EXD3: variants seen among roughly 807,000 people sequenced by gnomAD.
EXD3 encodes the protein exonuclease mut-7 homolog.
In EXD3, 92 loss-of-function variants were observed where a neutral mutation model predicts 98.0. The ratio of observed to expected loss-of-function variants is 0.94; its 90% CI spans 0.79 to 1.12. The LOEUF (loss-of-function observed/expected upper bound fraction) is 1.12. Among genes scored for constraint, EXD3 ranks in the 50% most tolerant of loss-of-function variants. EXD3 has a pLI of 0.00. For synonymous variants in EXD3, 569 were observed against 526.0 expected (o/e 1.08, Z -1.12); for missense variants, 1,222 against 1,191.6 (o/e 1.03, Z -0.38).
intron 17 of EXD3, among the ~76,000 whole-genome samples, chr9:137,334,769 G>T (rs1588285306): frequency 1.3e-5 from 2 of 152,150 alleles, no homozygotes; most frequent in African/African-American, 2.4e-5. Flanking sequence ...CACAGCAAAA[G>T]AAATAATCAT....
chr9:137,316,339 C>T (rs543099652), intron 19 of EXD3, among the ~76,000 whole-genome samples: 2 of 152,152 alleles, frequency 1.3e-5, no homozygotes, highest in Admixed American at 1.3e-4. Flanking sequence ...GGGACCCCGC[C>T]TGCCCGTCCA....
chr9:137,345,319 T>C (rs957333684), intron 17 of EXD3, among the ~76,000 whole-genome samples: 1 of 152,242 alleles, frequency 6.6e-6, no homozygotes, highest in Non-Finnish European at 1.5e-5. Flanking sequence ...AATCCTTATA[T>C]GAAACAATTA....
intron 19 of EXD3, among the ~76,000 whole-genome samples, chr9:137,312,100 C>T (rs1473785432): frequency 2.0e-5 from 3 of 152,296 alleles, no homozygotes; most frequent in South Asian, 2.1e-4. Context: ...CAGTGTGGGA[C>T]GCACAGACAC....
At chr9:137,307,887 G>A (rs570211859) in intron 20 of EXD3, among the ~76,000 whole-genome samples, 130 of 152,264 alleles carry the variant, frequency 8.5e-4, no homozygotes, top group Admixed American at 1.6e-3. Context: ...AAAGGTCCCT[G>A]GGAAACATGT....
At chr9:137,310,070 C>T (rs767828637) in intron 19 of EXD3, among the ~76,000 whole-genome samples, 1 of 152,252 alleles carries the variant, frequency 6.6e-6, no homozygotes, top group South Asian at 2.1e-4. Flanking sequence ...AAGGGGTCAG[C>T]GTGGGCAGCC....
intron 19 of EXD3, among the ~76,000 whole-genome samples, chr9:137,312,586 G>GCCC (rs1295222017): frequency 2.6e-5 from 4 of 152,186 alleles, no homozygotes; most frequent in Non-Finnish European, 5.9e-5. Flanking sequence ...ACCCTCCAGG[G>GCCC]CCCTCTCCTC....
At chr9:137,329,683 G>A (rs375799737) in intron 17 of EXD3, among the ~76,000 whole-genome samples, 2 of 34,988 alleles carry the variant, frequency 5.7e-5, no homozygotes, top group Admixed American at 3.3e-4. Flanking sequence ...GGGACTACAC[G>A]GGGTCACACG....
At chr9:137,315,833 C>T (rs997697913) in intron 19 of EXD3, among the ~76,000 whole-genome samples, 7 of 151,916 alleles carry the variant, frequency 4.6e-5, no homozygotes, top group Non-Finnish European at 7.4e-5. Flanking sequence ...CCGCTCCCAC[C>T]TGCCTTGGGT....
rs752014467 is a variant in EXD3 at position 137,354,712 on chromosome 9, CT to C, written c.818del (p.Lys273SerfsTer84). 3.1e-6 allele frequency: 5 copies of C among 1,611,014 alleles called. No individual in the cohort carries two copies. Among genetic ancestry groups the C allele is most frequent in the Non-Finnish European group, 4.2e-6 (5 of 1,179,690 alleles). On this transcript the variant is annotated frameshift_variant, in exon 9 of 22. Coordinates refer to ENST00000340951, the MANE Select transcript of EXD3 (RefSeq NM_017820.5). LOFTEE classifies it high-confidence loss of function. ...RLAALRHLCH[K>X]RFVEKSLSQE... ...CCTGCTCACGAACCTCCACAAACCG[CT>C]TGTGGCACAGGTGCCGCAGGGCCGC...
intron 17 of EXD3, among the ~76,000 whole-genome samples, chr9:137,338,107 A>G (rs1833456808): frequency 6.6e-6 from 1 of 152,210 alleles, no homozygotes; most frequent in Non-Finnish European, 1.5e-5. Context: ...ATCCTTTTAC[A>G]GTCCATGTGG....
At chr9:137,378,356 A>G (rs922932945) in intron 3 of EXD3, among the ~76,000 whole-genome samples, 3 of 152,086 alleles carry the variant, frequency 2.0e-5, no homozygotes, top group African/African-American at 7.2e-5. Context: ...CTACAGGTGC[A>G]TGCCACCACG....
intron 17 of EXD3, among the ~76,000 whole-genome samples, chr9:137,342,839 C>T (rs893833351): frequency 2.0e-5 from 3 of 152,048 alleles, no homozygotes; most frequent in African/African-American, 4.8e-5. Context: ...ATCACAGAAA[C>T]GGCCAGGCAC....
At position 137,324,626 on chromosome 9, in the gene EXD3, G is replaced by A. The variant is rs905356910; in HGVS notation, c.1999-483C>T. ...TATGAACTGTGGCATAAAACAGATGGATCATTTTGCTGATTTTGTGAGTAT... is the reference window on the plus strand; with the variant it reads ...TATGAACTGTGGCATAAAACAGATGAATCATTTTGCTGATTTTGTGAGTAT... On this transcript the variant is annotated intron_variant, in intron 17 of 21. Transcript: ENST00000340951. This position sits in a 1 kb window ranked among gnomAD's most constrained non-coding sequence, Gnocchi z 4.1. Among the ~76,000 whole-genome samples, 1 of 152,190 alleles carries A rather than the reference G, an allele frequency of 6.6e-6. No individual in the cohort carries two copies. The highest frequency in any genetic ancestry group is 2.4e-5 in the African/African-American group (1 of 41,446).
At chr9:137,370,075 G>A (rs550538166) in intron 5 of EXD3, among the ~76,000 whole-genome samples, 1 of 152,240 alleles carries the variant, frequency 6.6e-6, no homozygotes, top group South Asian at 2.1e-4. Context: ...CCTGGTAAGG[G>A]CAGAGCCCAG....
chr9:137,374,544 A>G, intron 3 of EXD3: 3 of 985,408 alleles, frequency 3.0e-6, no homozygotes, highest in Non-Finnish European at 3.6e-6. Context: ...GCTTACCGAA[A>G]CAAAAGGCTC....
chr9:137,311,568 G>A lies in EXD3; in HGVS notation c.2185-1868C>T, dbSNP rs574833543. 2.4e-4 allele frequency among the ~76,000 whole-genome samples: 37 copies of A among 152,354 alleles called. 1 individual carries two copies. The South Asian group carries it at 7.5e-3, about 31-fold the overall frequency. On this transcript the variant is annotated intron_variant, in intron 19 of 21. Coordinates refer to ENST00000340951, the MANE Select transcript of EXD3 (RefSeq NM_017820.5). ...GGCGGGGCCAGCCAGCTCGTGCTGA[G>A]TCACCGGGTGCCGTCAGTGAGGGCC...
rs565606421 is a variant in EXD3, at chr9:137,405,857, C to T, written c.-47-10453G>A. On this transcript the variant is annotated intron_variant, in intron 1 of 21. Transcript: ENST00000340951. This position sits in a 1 kb window ranked among gnomAD's most constrained non-coding sequence, Gnocchi z 4.1. ...CTGCCCTGGAACCCTTGGTGGGACC[C>T]GCTGCCCACAGACACCTTGCCCGTG... 2.0e-5 allele frequency among the ~76,000 whole-genome samples: 3 copies of T among 152,326 alleles called. No individual in the cohort carries two copies. The highest frequency in any genetic ancestry group is 4.4e-5 in the Non-Finnish European group (3 of 68,018).
At chr9:137,307,309 C>T (rs548414120) in intron 21 of EXD3, 46 bp from the exon 22 acceptor site, 114 of 1,447,994 alleles carry the variant, frequency 7.9e-5, no homozygotes, top group Admixed American at 1.3e-4. Context: ...CCTTCGGGCA[C>T]GGCCCCCAGG....
intron 12 of EXD3, 61 bp downstream of exon 12, chr9:137,352,005 C>T (rs1051392772): frequency 6.5e-7 from 1 of 1,544,526 alleles, no homozygotes; most frequent in Admixed American, 2.0e-5. Flanking sequence ...CCTGATGCTC[C>T]TCCAGTGCCT....
Sources: gnomAD v4.1 joint callset for allele counts (sites outside exome capture counted in the v4.1 genomes callset) on GRCh38, gnomAD v4.1.1 for gene constraint, Gnocchi (gnomAD v3.1) non-coding constraint, MANE v1.5 for transcripts, NCBI Gene and HGNC (gene_info 2026-07-23, HGNC 2026-07-21) for gene names.